Variants in PRSS12 observed in about 807,000 individuals in gnomAD.
PRSS12 encodes the protein neurotrypsin.
A neutral mutation model predicts 104.4 loss-of-function variants in PRSS12; 85 were observed. That is an observed-to-expected ratio of 0.81 (90% CI 0.68 to 0.98). PRSS12 has a LOEUF of 0.98. Ranked by LOEUF, PRSS12 falls within the 50% of genes least tolerant of loss-of-function variation. PRSS12 has a pLI of 0.00. For synonymous variants in PRSS12, 454 were observed against 425.2 expected (o/e 1.07, Z -0.83); for missense variants, 1,141 against 1,139.2 (o/e 1.00, Z -0.02).
At chr4:118,316,837 A>ATATATATATATATATAT (rs768370790) in intron 5 of PRSS12, among the ~76,000 whole-genome samples, 21 of 99,190 alleles carry the variant, frequency 2.1e-4, no homozygotes, top group Non-Finnish European at 4.1e-4. Flanking sequence ...AAAAAAAAAA[A>ATATATATATATATATAT]ATATATATAT....
At position 118,317,969 on chromosome 4, in the gene PRSS12, T is replaced by C. The variant is rs529136704; in HGVS notation, c.1150+409A>G. Among the ~76,000 whole-genome samples, 87 of 152,308 alleles carry C rather than the reference T, an allele frequency of 5.7e-4. 1 individual carries two copies. The highest frequency in any genetic ancestry group is 1.9e-4 in the Non-Finnish European group (13 of 68,020). On this transcript the variant is annotated intron_variant, in intron 5 of 12. Coordinates refer to ENST00000296498, the MANE Select transcript of PRSS12 (RefSeq NM_003619.4). ...TGCATAGCAAAGTTAACTTGGTTTC[T>C]TTCACAGTGTGCTTTAATCAACAAT...
rs1743908442 is a variant in PRSS12 at position 118,316,282 on chromosome 4, C to A, written c.1192G>T (p.Gly398Cys). ...CCTCTGTAATATACCTCCAAGCGAC[C>A]CTCATGGCTGCCTTTCCCACCTGCA... ...RLAGGKGSHE[G>C]RLEVYYRGQW... The change falls in exon 6 of 13, where the codon GGT becomes TGT. Residue 398 changes from glycine to cysteine, a missense_variant. Transcript: ENST00000296498. 6.2e-7 allele frequency: 1 copy of A among 1,613,948 alleles called. No individual in the cohort carries two copies. Among genetic ancestry groups the A allele is most frequent in the Admixed American group, 1.7e-5 (1 of 59,982 alleles).
intron 6 of PRSS12, among the ~76,000 whole-genome samples, chr4:118,315,882 A>C (rs1743893709): frequency 6.6e-6 from 1 of 152,224 alleles, no homozygotes; most frequent in South Asian, 2.1e-4. Context: ...GTGTCAGAAT[A>C]AAAATGAGCA....
At position 118,352,544 on chromosome 4, in the gene PRSS12, C is replaced by A; in HGVS notation, c.177G>T (p.Pro59=). The A allele has an allele frequency of 6.6e-7, 1 of 1,508,128 alleles. No homozygotes were observed. The highest frequency in any genetic ancestry group is 8.9e-7 in the Non-Finnish European group (1 of 1,125,022). The allele number at this position is 1,508,128 out of a possible 1,614,324, so 93.4% of individuals were successfully genotyped here. A position where few individuals can be genotyped will look rare whatever the true frequency, so the allele number is the denominator to read the frequency against. ...TQQRPPRTRP[P]PPLPRFPRPP... ...GGCGCGGGAAGCGCGGGAGAGGCGG[C>A]GGCGGACGCGTCCTCGGGGGCCGCT... The change falls in exon 1 of 13, where the codon CCG becomes CCT. Residue 59 remains proline (P), a synonymous_variant. Transcript: ENST00000296498.
At chr4:118,315,392 T>G (rs1743879445) in intron 6 of PRSS12, among the ~76,000 whole-genome samples, 1 of 152,194 alleles carries the variant, frequency 6.6e-6, no homozygotes, top group African/African-American at 2.4e-5. Context: ...TTAACATGGC[T>G]TTGCCTAGCT....
At chr4:118,346,701 C>T (rs1271542167) in intron 1 of PRSS12, among the ~76,000 whole-genome samples, 5 of 152,114 alleles carry the variant, frequency 3.3e-5, no homozygotes, top group South Asian at 2.1e-4. Flanking sequence ...CACTCCCCAT[C>T]GCTCACATTA....
Position 118,318,450 on chromosome 4 carries a change from G to A in PRSS12, c.1078C>T (p.Pro360Ser). 1 of 1,614,074 alleles carries A rather than the reference G, an allele frequency of 6.2e-7. No homozygotes were observed. The highest frequency in any genetic ancestry group is 2.2e-5 in the East Asian group (1 of 44,864). The change falls in exon 5 of 13, where the codon CCA becomes TCA. Residue 360 changes from proline (P) to serine (S), a missense_variant. Transcript: ENST00000296498. Reference protein sequence around the residue: ...TGNELSIEQCPKSSWGEHNCG... With the variant: ...TGNELSIEQCSKSSWGEHNCG... ...TTATGCTCTCCCCAGGAGCTCTTTG[G>A]ACACTGCTCAATTGAAAGCTCATTC... is the stretch of plus-strand genomic sequence containing the variant.
chr4:118,288,675 T>C (rs1238436894), intron 11 of PRSS12, among the ~76,000 whole-genome samples: 2 of 152,222 alleles, frequency 1.3e-5, no homozygotes, highest in Non-Finnish European at 2.9e-5. Flanking sequence ...TAAAAGAAAT[T>C]AATATTCAGG....
intron 11 of PRSS12, among the ~76,000 whole-genome samples, chr4:118,286,441 T>C (rs1200688918): frequency 6.6e-6 from 1 of 152,150 alleles, no homozygotes; most frequent in Non-Finnish European, 1.5e-5. Flanking sequence ...CCTGATCAAG[T>C]CAAAGATCTC....
At position 118,281,250 on chromosome 4, in the gene PRSS12, T is replaced by C. The variant is rs1160707742; in HGVS notation, c.*686A>G. Reference sequence around the variant, plus strand: ...TAGTTACCAGAAATCCTTTCAAATTTTGCTAGTTTATACGCTGTAGGTAGA... The same window carrying C: ...TAGTTACCAGAAATCCTTTCAAATTCTGCTAGTTTATACGCTGTAGGTAGA... On this transcript the variant is annotated 3_prime_UTR_variant, in exon 13 of 13. Transcript: ENST00000296498. 1 of 152,500 alleles carries C rather than the reference T, an allele frequency of 6.6e-6. No individual in the cohort carries two copies. The highest frequency in any genetic ancestry group is 1.5e-5 in the Non-Finnish European group (1 of 68,292). The allele number at this position is 152,500 out of a possible 1,614,324, so 9.4% of individuals were successfully genotyped here. A position where few individuals can be genotyped will look rare whatever the true frequency, so the allele number is the denominator to read the frequency against.
intron 4 of PRSS12, among the ~76,000 whole-genome samples, chr4:118,329,716 T>C (rs1247242308): frequency 6.6e-6 from 1 of 152,188 alleles, no homozygotes; most frequent in Non-Finnish European, 1.5e-5. Flanking sequence ...ATATGGTACT[T>C]ACTATGTGTG....
intron 8 of PRSS12, among the ~76,000 whole-genome samples, chr4:118,302,707 G>C (rs151217235): frequency 6.6e-6 from 1 of 152,152 alleles, no homozygotes; most frequent in African/African-American, 2.4e-5. Flanking sequence ...GATTACAGGC[G>C]TGAGCCACCG....
intron 5 of PRSS12, among the ~76,000 whole-genome samples, chr4:118,317,629 T>C (rs750246444): frequency 6.6e-6 from 1 of 152,234 alleles, no homozygotes; most frequent in Non-Finnish European, 1.5e-5. Context: ...TGTATTAATG[T>C]GTTAATCTGC....
chr4:118,341,925 T>A (rs1474363797), intron 1 of PRSS12, among the ~76,000 whole-genome samples: 2 of 152,148 alleles, frequency 1.3e-5, no homozygotes, highest in Admixed American at 6.5e-5. Flanking sequence ...GAGTTCACCA[T>A]CCTACTGAAA....
In PRSS12 at chr4:118,281,788, T is replaced by G. The variant is rs1329365922; in HGVS notation, c.*148A>C. 1 of 666,366 alleles carries G rather than the reference T, an allele frequency of 1.5e-6. No individual in the cohort carries two copies. The highest frequency in any genetic ancestry group is 1.8e-5 in the African/African-American group (1 of 55,788). 41.3% of individuals were successfully genotyped at this position (666,366 alleles called of 1,614,324 possible). A position where few individuals can be genotyped will look rare whatever the true frequency, so the allele number is the denominator to read the frequency against. On this transcript the variant is annotated 3_prime_UTR_variant, in exon 13 of 13. Coordinates refer to ENST00000296498, the MANE Select transcript of PRSS12 (RefSeq NM_003619.4). ...GCCTCTGAAAATGTTCACAAATTTC[T>G]CAAAAGCAGCAGGGGGTACACAATT...
chr4:118,295,187 G>A, intron 10 of PRSS12, 126 bp from the exon 11 acceptor site: 1 of 1,264,180 alleles, frequency 7.9e-7, no homozygotes. Flanking sequence ...AAGCAAAAGG[G>A]ACTCCAGGAT....
chr4:118,335,123 GATT>G (rs1219444137), intron 3 of PRSS12, among the ~76,000 whole-genome samples: 1 of 151,966 alleles, frequency 6.6e-6, no homozygotes, highest in African/African-American at 2.4e-5. Context: ...TTACTTTCAT[GATT>G]ATTTTCCAGC....
chr4:118,308,524 C>A lies in PRSS12; in HGVS notation c.1543G>T (p.Val515Phe), dbSNP rs773097944. The change falls in exon 8 of 13, where the codon GTT (valine) becomes TTT (phenylalanine). Residue 515 changes from valine to phenylalanine, a missense_variant. By Grantham distance (50) the Val-to-Phe change is conservative (BLOSUM62 -1). Coordinates refer to ENST00000296498, the MANE Select transcript of PRSS12 (RefSeq NM_003619.4). ...GENKKEGRVE[V>F]FINGQWGTIC... ...GTTCCCCACTGGCCATTGATAAAAA[C>A]CTCCACTCGTCCTTCTTTCTTATTT... 1.2e-6 allele frequency: 2 copies of A among 1,614,038 alleles called. No homozygotes were observed. Among genetic ancestry groups the A allele is most frequent in the East Asian group, 2.2e-5 (1 of 44,858 alleles).
chr4:118,300,544 G>A (rs1743381700), intron 8 of PRSS12, among the ~76,000 whole-genome samples: 1 of 152,068 alleles, frequency 6.6e-6, no homozygotes, highest in Non-Finnish European at 1.5e-5. Context: ...TAATGAAATA[G>A]TTATCAGAAG....
Sources: allele counts gnomAD v4.1 joint callset (sites outside exome capture counted in the v4.1 genomes callset), GRCh38; gene constraint gnomAD v4.1.1; transcripts MANE v1.5; gene names NCBI Gene and HGNC (gene_info 2026-07-23, HGNC 2026-07-21).